CCDC158: variants seen among roughly 807,000 people sequenced by gnomAD.
CCDC158 encodes the protein coiled-coil domain-containing protein 158.
Under a neutral mutation model 138.6 loss-of-function variants are expected in CCDC158, and 116 were observed. The observed-to-expected ratio is 0.84, with a 90% confidence interval of 0.72 to 0.98. The LOEUF (loss-of-function observed/expected upper bound fraction) is 0.98. Ranked by LOEUF, CCDC158 falls within the 50% of genes least tolerant of loss-of-function variation. The probability of loss-of-function intolerance (pLI) is 0.00; values close to 1 mark genes in which losing one functional copy is unlikely to be tolerated. For synonymous variants in CCDC158, 436 were observed against 442.4 expected (o/e 0.99, Z 0.18); for missense variants, 1,265 against 1,306.1 (o/e 0.97, Z 0.48).
chr4:76,383,328 C>G (rs919092142), intron 7 of CCDC158, among the ~76,000 whole-genome samples: 2 of 152,170 alleles, frequency 1.3e-5, no homozygotes, highest in African/African-American at 4.8e-5. Context: ...TCCCCCTACT[C>G]TTGATGCCTT....
rs779497744 is a variant in CCDC158 at position 76,351,131 on chromosome 4, A to G, written c.2539-10T>C. 9 of 1,602,362 alleles carry G rather than the reference A, an allele frequency of 5.6e-6. No individual in the cohort carries two copies. The South Asian group carries it at 5.6e-5, about 10-fold the overall frequency. On this transcript the variant is annotated splice_polypyrimidine_tract_variant and intron_variant, in intron 17 of 24. Coordinates refer to ENST00000682701, the MANE Select transcript of CCDC158 (RefSeq NM_001394954.1). ...CAGGGCCCTGAAGTTCCTGGAAAAC[A>G]ATATAGAGGTAAGCAAAATAACTGC...
At chr4:76,355,735 C>T (rs1723484764) in intron 14 of CCDC158, among the ~76,000 whole-genome samples, 1 of 150,986 alleles carries the variant, frequency 6.6e-6, no homozygotes, top group South Asian at 2.1e-4. Context: ...CCAGTAATAA[C>T]AATAACATTG....
chr4:76,383,562 T>C (rs1726482221), intron 7 of CCDC158, 100 bp downstream of exon 7: 5 of 787,470 alleles, frequency 6.3e-6, no homozygotes, highest in South Asian at 4.8e-5. Context: ...AAAAAACTTA[T>C]GTGTTTCAGA....
chr4:76,348,501 A>G (rs1327747185), intron 18 of CCDC158, among the ~76,000 whole-genome samples: 5 of 151,852 alleles, frequency 3.3e-5, no homozygotes, highest in Admixed American at 6.6e-5. Flanking sequence ...TTATGACCCA[A>G]TCACCTCCCA....
chr4:76,326,833 A>G (rs568355764), intron 22 of CCDC158, among the ~76,000 whole-genome samples: 1 of 152,284 alleles, frequency 6.6e-6, no homozygotes, highest in South Asian at 2.1e-4. Context: ...AATTTCAGAA[A>G]AACAAAAATG....
In CCDC158 at chr4:76,384,104, T is replaced by C. The variant is rs1726542168; in HGVS notation, c.710A>G (p.Lys237Arg). ...ACCACTTACTGGAAATATCCTCCCT[T>C]TAAGATAAGAAATCTCTGTGTCTAA... is the stretch of plus-strand genomic sequence containing the variant. ...RELDTEISYL[K>R]GRIFPVEDQL... The change falls in exon 6 of 25, where the codon AAA becomes AGA. Residue 237 changes from lysine to arginine, a missense_variant. Lys to Arg is a conservative substitution (Grantham distance 26, BLOSUM62 2). Coordinates refer to ENST00000682701, the MANE Select transcript of CCDC158 (RefSeq NM_001394954.1). The C allele has an allele frequency of 4.4e-6, 7 of 1,605,748 alleles. No homozygotes were observed. The highest frequency in any genetic ancestry group is 6.0e-6 in the Non-Finnish European group (7 of 1,174,496).
chr4:76,355,587 C>T (rs943120929), intron 14 of CCDC158, 151 bp from the exon 15 acceptor site: 12 of 621,760 alleles, frequency 1.9e-5, no homozygotes, highest in Middle Eastern at 2.7e-4. Flanking sequence ...CGAATGTCTT[C>T]GGTTTTTATA....
At chr4:76,363,595 C>T (rs1455928798) in intron 12 of CCDC158, among the ~76,000 whole-genome samples, 2 of 152,210 alleles carry the variant, frequency 1.3e-5, no homozygotes, top group East Asian at 3.9e-4. Flanking sequence ...AAGGACAAGA[C>T]ACGTGGACAG....
chr4:76,382,844 A>G (rs1206697246), intron 7 of CCDC158, 124 bp from the exon 8 acceptor site: 1 of 609,250 alleles, frequency 1.6e-6, no homozygotes, highest in Non-Finnish European at 2.8e-6. Flanking sequence ...TGTATATGCT[A>G]CTCTTTTAAT....
rs369495870 is a variant in CCDC158, at chr4:76,353,181, C to G, written c.2387G>C (p.Arg796Pro). ...NKMAGELEVL[R>P]SQERRLKEKV... ...TTCTTTCAAACGGCGTTCCTGAGAT[C>G]GCAGAACTTCCAACTCCCCAGCCAT... The change falls in exon 16 of 25, where the codon CGA (arginine) becomes CCA (proline). Residue 796 changes from arginine to proline, a missense_variant. By Grantham distance (103) the Arg-to-Pro change is moderately radical. Coordinates refer to ENST00000682701, the MANE Select transcript of CCDC158 (RefSeq NM_001394954.1). 1.8e-5 allele frequency: 29 copies of G among 1,613,906 alleles called. 1 individual carries two copies. The South Asian group carries it at 3.2e-4, about 18-fold the overall frequency.
intron 18 of CCDC158, among the ~76,000 whole-genome samples, chr4:76,338,750 C>A (rs1262992184): frequency 6.6e-6 from 1 of 152,122 alleles, no homozygotes; most frequent in African/African-American, 2.4e-5. Context: ...CATGTGTGTC[C>A]TGCCCATTAT....
At chr4:76,376,466 G>A (rs1160201995) in intron 9 of CCDC158, among the ~76,000 whole-genome samples, 2 of 152,138 alleles carry the variant, frequency 1.3e-5, no homozygotes, top group Non-Finnish European at 2.9e-5. Flanking sequence ...TGAAGCAACA[G>A]AGAAAAAATA....
At chr4:76,417,473 G>C (rs1489565348) in intron 1 of CCDC158, among the ~76,000 whole-genome samples, 1 of 152,080 alleles carries the variant, frequency 6.6e-6, no homozygotes, top group Middle Eastern at 3.2e-3. Context: ...GCCACAGGTG[G>C]AATGATATGG....
Position 76,421,059 on chromosome 4 carries a change from C to T in CCDC158, c.-211G>A, listed in dbSNP as rs907269263. ...ACCTACGTCGACCTGGCGGCTGGGA[C>T]GGGGCGGCTCCCCACTCTTCGCCCC... On this transcript the variant is annotated 5_prime_UTR_variant, in exon 1 of 25. Transcript: ENST00000682701. 3.2e-4 allele frequency among the ~76,000 whole-genome samples: 49 copies of T among 152,110 alleles called. No homozygotes were observed. Among genetic ancestry groups the T allele is most frequent in the Admixed American group, 9.8e-4 (15 of 15,288 alleles).
intron 3 of CCDC158, among the ~76,000 whole-genome samples, chr4:76,402,527 G>A (rs756059333): frequency 1.4e-4 from 21 of 152,232 alleles, no homozygotes; most frequent in Non-Finnish European, 2.2e-4. Context: ...GCTTCTTGCA[G>A]TTGGTAATTT....
At chr4:76,410,756 T>C (rs560395223) in intron 2 of CCDC158, among the ~76,000 whole-genome samples, 2 of 152,352 alleles carry the variant, frequency 1.3e-5, no homozygotes, top group East Asian at 3.9e-4. Flanking sequence ...GAACCATTCA[T>C]GTTGAACAGT....
chr4:76,319,010 C>G (rs570457830), intron 24 of CCDC158, among the ~76,000 whole-genome samples: 1 of 152,212 alleles, frequency 6.6e-6, no homozygotes, highest in Admixed American at 6.5e-5. Flanking sequence ...CGGTGGCTTA[C>G]GCCTGTAATC....
At chr4:76,327,704 G>A (rs914056112) in intron 22 of CCDC158, among the ~76,000 whole-genome samples, 12 of 152,052 alleles carry the variant, frequency 7.9e-5, no homozygotes, top group East Asian at 1.9e-4. Context: ...AAAACATTAC[G>A]CAGCACATGA....
At chr4:76,342,076 A>AT (rs57408739) in intron 18 of CCDC158, among the ~76,000 whole-genome samples, 18 of 149,980 alleles carry the variant, frequency 1.2e-4, no homozygotes, top group African/African-American at 2.2e-4. Context: ...TATTATTATT[A>AT]TTTTTTTTTT....
Sources: gnomAD v4.1 joint callset for allele counts (sites outside exome capture counted in the v4.1 genomes callset) on GRCh38, gnomAD v4.1.1 for gene constraint, MANE v1.5 for transcripts, NCBI Gene and HGNC (gene_info 2026-07-23, HGNC 2026-07-21) for gene names.